Variants in MAPK7 observed in about 807,000 individuals in gnomAD.
MAPK7 encodes BMK-1.
A neutral mutation model predicts 56.9 loss-of-function variants in MAPK7; 30 were observed. The ratio of observed to expected loss-of-function variants is 0.53; its 90% CI spans 0.39 to 0.72. The LOEUF is 0.72. Among genes scored for constraint, MAPK7 ranks in the 30% least tolerant of loss-of-function variants. The pLI is 0.00. For synonymous variants in MAPK7, 516 were observed against 449.3 expected (o/e 1.15, Z -1.88); for missense variants, 952 against 1,110.8 (o/e 0.86, Z 2.03).
At position 19,378,849 on chromosome 17, in the gene MAPK7, T is replaced by G; in HGVS notation, c.-5-47T>G. 1.4e-6 allele frequency: 2 copies of G among 1,467,236 alleles called. No individual in the cohort carries two copies. Among genetic ancestry groups the G allele is most frequent in the Non-Finnish European group, 1.9e-6 (2 of 1,078,208 alleles). 90.9% of individuals were successfully genotyped at this position (1,467,236 alleles called of 1,614,324 possible). On this transcript the variant is annotated intron_variant, in intron 1 of 6. Transcript: ENST00000395604. This position sits in a 1 kb window ranked among gnomAD's most constrained non-coding sequence, Gnocchi z 5.4. ...GCTCCCCAGCCCGCAGAGGGGACACTGAGGCCCACGGTAGGTGGTCCTCTC... is the reference window on the plus strand; with the variant it reads ...GCTCCCCAGCCCGCAGAGGGGACACGGAGGCCCACGGTAGGTGGTCCTCTC...
intron 5 of MAPK7, 119 bp downstream of exon 5, chr17:19,382,585 G>C: frequency 6.7e-7 from 1 of 1,495,656 alleles, no homozygotes; most frequent in Non-Finnish European, 8.9e-7. Context: ...CTCTGAACGT[G>C]TCCTCTTGCT....
rs754544948 is a variant in MAPK7, at chr17:19,381,010, T to C, written c.801T>C (p.Tyr267=). 1.2e-6 allele frequency: 2 copies of C among 1,614,026 alleles called. No homozygotes were observed. The highest frequency in any genetic ancestry group is 1.3e-5 in the African/African-American group (1 of 74,920). Reference sequence around the variant, plus strand: ...GCCAGCTCTTCCCAGGCAAAAACTATGTACACCAGCTACAGCTCATCATGA... The same window carrying C: ...GCCAGCTCTTCCCAGGCAAAAACTACGTACACCAGCTACAGCTCATCATGA... ...ARRQLFPGKN[Y]VHQLQLIMMV... Residue 267 remains tyrosine (Y), a synonymous_variant, in exon 4 of 7, where the codon TAT becomes TAC. Transcript: ENST00000395604. This position sits in a 1 kb window ranked among gnomAD's most constrained non-coding sequence, Gnocchi z 4.6.
chr17:19,381,871 G>A lies in MAPK7; in HGVS notation c.1568G>A (p.Arg523Lys), dbSNP rs753067846. ...CGGGAGCGGGAGGAGAAGCGGCGGA[G>A]GCGGCAAGAACGAGCCAAGGAGCGG... The part of the protein sequence containing the change: ...RQREREEKRR[R>K]RQERAKEREK... Residue 523 changes from arginine to lysine, a missense_variant, in exon 5 of 7, where the codon AGG becomes AAG. Physicochemically the swap from Arg to Lys is conservative, Grantham distance 26. Coordinates refer to ENST00000395604, the MANE Select transcript of MAPK7 (RefSeq NM_002749.4). This position sits in a 1 kb window ranked among gnomAD's most constrained non-coding sequence, Gnocchi z 4.6. 1 of 1,579,848 alleles carries A rather than the reference G, an allele frequency of 6.3e-7. No individual in the cohort carries two copies. The highest frequency in any genetic ancestry group is 1.1e-5 in the South Asian group (1 of 87,290).
In MAPK7 at chr17:19,382,810, C is replaced by T. The variant is rs149310341; in HGVS notation, c.2164-3C>T. On this transcript the variant is annotated splice_region_variant and splice_polypyrimidine_tract_variant and intron_variant, in intron 5 of 6. Transcript: ENST00000395604. Reference sequence around the variant, plus strand: ...CTGCATTGTAACCTGTCATTCCCTGCAGGTGGAGGACCCCCTGCCCCCTGT... The same window carrying T: ...CTGCATTGTAACCTGTCATTCCCTGTAGGTGGAGGACCCCCTGCCCCCTGT... The T allele has an allele frequency of 8.8e-4, 1,427 of 1,613,790 alleles. 2 individuals are homozygous for T. Among genetic ancestry groups the T allele is most frequent in the Non-Finnish European group, 1.1e-3 (1,257 of 1,179,780 alleles).
Position 19,379,047 on chromosome 17 carries a change from T to C in MAPK7, c.147T>C (p.Phe49=). Residue 49 remains phenylalanine, a synonymous_variant, in exon 2 of 7, where the codon TTT becomes TTC. Coordinates refer to ENST00000395604, the MANE Select transcript of MAPK7 (RefSeq NM_002749.4). The part of the protein sequence containing the change: ...LLKARSFDVT[F]DVGDEYEIIE... Reference sequence around the variant, plus strand: ...AAGCCCGCTCCTTCGATGTGACCTTTGACGTGGGCGACGAGTACGAGATCA... The same window carrying C: ...AAGCCCGCTCCTTCGATGTGACCTTCGACGTGGGCGACGAGTACGAGATCA... 1.2e-6 allele frequency: 2 copies of C among 1,614,086 alleles called. No individual in the cohort carries two copies. The highest frequency in any genetic ancestry group is 1.7e-6 in the Non-Finnish European group (2 of 1,180,000).
Position 19,381,180 on chromosome 17 carries a change from T to C in MAPK7, c.971T>C (p.Leu324Pro). The change falls in exon 4 of 7, where the codon CTG (leucine) becomes CCG (proline). Residue 324 changes from leucine (L) to proline (P), a missense_variant. This residue lies in a region of MAPK7 where 429 missense variants were observed against 533.0 expected (regional missense o/e 0.80). Coordinates refer to ENST00000395604, the MANE Select transcript of MAPK7 (RefSeq NM_002749.4). This position sits in a 1 kb window ranked among gnomAD's most constrained non-coding sequence, Gnocchi z 4.6. ...PGADRQALSL[L>P]GRMLRFEPSA... is the part of the protein sequence containing the mutation. ...GCCGACCGCCAGGCCCTATCACTGC[T>C]GGGTCGCATGCTGCGTTTTGAGCCC... is the stretch of plus-strand genomic sequence containing the variant. The C allele has an allele frequency of 6.2e-7, 1 of 1,614,154 alleles. No individual in the cohort carries two copies. Among genetic ancestry groups the C allele is most frequent in the South Asian group, 1.1e-5 (1 of 91,090 alleles).
chr17:19,382,355 G>A lies in MAPK7; in HGVS notation c.2052G>A (p.Leu684=). Residue 684 remains leucine (L), a synonymous_variant, in exon 5 of 7, where the codon TTG becomes TTA. Coordinates refer to ENST00000395604, the MANE Select transcript of MAPK7 (RefSeq NM_002749.4). ...CTGGCTCCAGCACCCCAGGAGTTTT[G>A]CCTTACTTCCCACCTGGCCTGCCGC... The part of the protein sequence containing the change: ...GLPGSSTPGV[L]PYFPPGLPPP... 6.2e-7 allele frequency: 1 copy of A among 1,613,480 alleles called. No homozygotes were observed. The highest frequency in any genetic ancestry group is 8.5e-7 in the Non-Finnish European group (1 of 1,180,016).
chr17:19,381,691 C>T lies in MAPK7; in HGVS notation c.1477+5C>T. ...CTTTGAGGAGCCGGCTCAGAGGTGC[C>T]TTGTGGGCAGGTCGGGTGGGCAGAG... is the stretch of plus-strand genomic sequence containing the variant. On this transcript the variant is annotated splice_donor_5th_base_variant and intron_variant, in intron 4 of 6. Transcript: ENST00000395604. The surrounding 1 kb of genome is among the most constrained non-coding windows in gnomAD (Gnocchi z 4.6). 4 of 1,574,252 alleles carry T rather than the reference C, an allele frequency of 2.5e-6. No homozygotes were observed. Among genetic ancestry groups the T allele is most frequent in the Non-Finnish European group, 3.4e-6 (4 of 1,160,650 alleles).
At position 19,381,628 on chromosome 17, in the gene MAPK7, CA is replaced by C; in HGVS notation, c.1421del (p.Asn474IlefsTer14). 6.2e-7 allele frequency: 1 copy of C among 1,613,136 alleles called. No homozygotes were observed. Among genetic ancestry groups the C allele is most frequent in the South Asian group, 1.1e-5 (1 of 90,934 alleles). Reference protein sequence around the residue: ...PPKKDGAISDNTKAALKAALL... With the variant: ...PPKKDGAISDXTKAALKAALL... ...CAAAGAAAGATGGTGCCATCTCAGACAATACTAAGGCTGCCCTTAAAGCTGC... is the reference window on the plus strand; with the variant it reads ...CAAAGAAAGATGGTGCCATCTCAGACATACTAAGGCTGCCCTTAAAGCTGC... On this transcript the variant is annotated frameshift_variant, in exon 4 of 7. Coordinates refer to ENST00000395604, the MANE Select transcript of MAPK7 (RefSeq NM_002749.4). LOFTEE classifies it high-confidence loss of function. This position sits in a 1 kb window ranked among gnomAD's most constrained non-coding sequence, Gnocchi z 4.6.
intron 3 of MAPK7, 188 bp from the exon 4 acceptor site, chr17:19,380,420 A>C (rs1912548545): frequency 7.2e-7 from 1 of 1,389,358 alleles, no homozygotes. Context: ...TGATTTAACC[A>C]AGTTCATGGA....
Position 19,378,992 on chromosome 17 carries a change from CTG to C in MAPK7, c.94_95del (p.Val32SerfsTer9). 6.2e-7 allele frequency: 1 copy of C among 1,612,170 alleles called. No homozygotes were observed. ...GCCGAACCCGCCCACACCGCTGCCT[CTG>C]TAGCGGCCAAGAACCTGGCCCTGCT... On this transcript the variant is annotated frameshift_variant, in exon 2 of 7. Coordinates refer to ENST00000395604, the MANE Select transcript of MAPK7 (RefSeq NM_002749.4). LOFTEE classifies it high-confidence loss of function. This position sits in a 1 kb window ranked among gnomAD's most constrained non-coding sequence, Gnocchi z 5.4.
chr17:19,381,364 T>G lies in MAPK7; in HGVS notation c.1155T>G (p.Ile385Met). The change falls in exon 4 of 7, where the codon ATT (isoleucine) becomes ATG (methionine). Residue 385 changes from isoleucine to methionine, a missense_variant. Transcript: ENST00000395604. The surrounding 1 kb of genome is among the most constrained non-coding windows in gnomAD (Gnocchi z 4.6). Reference protein sequence around the residue: ...ERIKEAIVAEIEDFHARREGI... With the variant: ...ERIKEAIVAEMEDFHARREGI... Reference sequence around the variant, plus strand: ...TTAAGGAGGCCATTGTGGCTGAAATTGAGGACTTCCATGCAAGGCGTGAGG... The same window carrying G: ...TTAAGGAGGCCATTGTGGCTGAAATGGAGGACTTCCATGCAAGGCGTGAGG... 1.2e-6 allele frequency: 2 copies of G among 1,614,138 alleles called. No homozygotes were observed. The highest frequency in any genetic ancestry group is 1.7e-6 in the Non-Finnish European group (2 of 1,180,038).
In MAPK7 at chr17:19,378,896, A is replaced by T. The variant is rs1233137940; in HGVS notation, c.-5A>T. On this transcript the variant is annotated splice_region_variant and 5_prime_UTR_variant, in exon 2 of 7. Transcript: ENST00000395604. The surrounding 1 kb of genome is among the most constrained non-coding windows in gnomAD (Gnocchi z 5.4). The stretch of plus-strand genomic sequence containing the variant: ...TCTCCTCACCCGAGTCTCCACACAG[A>T]CACCATGGCCGAGCCTCTGAAGGAG... 6.4e-7 allele frequency: 1 copy of T among 1,559,486 alleles called. No individual in the cohort carries two copies. The highest frequency in any genetic ancestry group is 8.7e-7 in the Non-Finnish European group (1 of 1,151,154).
Position 19,378,831 on chromosome 17 carries a change from A to C in MAPK7, c.-5-65A>C. 1 of 1,404,552 alleles carries C rather than the reference A, an allele frequency of 7.1e-7. No homozygotes were observed. Among genetic ancestry groups the C allele is most frequent in the Admixed American group, 2.2e-5 (1 of 44,776 alleles). 87.0% of individuals were successfully genotyped at this position (1,404,552 alleles called of 1,614,324 possible). On this transcript the variant is annotated intron_variant, in intron 1 of 6. Coordinates refer to ENST00000395604, the MANE Select transcript of MAPK7 (RefSeq NM_002749.4). The surrounding 1 kb of genome is among the most constrained non-coding windows in gnomAD (Gnocchi z 5.4). ...GGGAAGTTCCCTGGTCCTGCTCCCC[A>C]GCCCGCAGAGGGGACACTGAGGCCC...
rs748891527 is a variant in MAPK7, at chr17:19,378,882, G to A, written c.-5-14G>A. The A allele has an allele frequency of 1.9e-6, 3 of 1,547,472 alleles. No individual in the cohort carries two copies. The Admixed American group carries it at 5.9e-5, about 30-fold the overall frequency. ...ACGGTAGGTGGTCCTCTCCTCACCC[G>A]AGTCTCCACACAGACACCATGGCCG... On this transcript the variant is annotated splice_polypyrimidine_tract_variant and intron_variant, in intron 1 of 6. Coordinates refer to ENST00000395604, the MANE Select transcript of MAPK7 (RefSeq NM_002749.4). The surrounding 1 kb of genome is among the most constrained non-coding windows in gnomAD (Gnocchi z 5.4).
chr17:19,378,334 G>A (rs1598108931), upstream of MAPK7: 2 of 987,960 alleles, frequency 2.0e-6, no homozygotes, highest in South Asian at 4.5e-5. The surrounding 1 kb of genome is among the most constrained non-coding windows in gnomAD (Gnocchi z 5.4). Context: ...GGCTCCCGCC[G>A]GCGAGCTGGA....
chr17:19,378,179 G>C (rs1467440901), upstream of MAPK7: 1 of 982,352 alleles, frequency 1.0e-6, no homozygotes, highest in African/African-American at 1.7e-5. The surrounding 1 kb of genome is among the most constrained non-coding windows in gnomAD (Gnocchi z 5.4). Context: ...GGCCGGATGA[G>C]GTTGAGAGCT....
At chr17:19,379,649 G>T (rs772224294) in intron 2 of MAPK7, 133 bp from the exon 3 acceptor site, 23 of 756,766 alleles carry the variant, frequency 3.0e-5, no homozygotes, top group African/African-American at 5.2e-5. Context: ...ACAGGGCTTG[G>T]CACATAGTAG....
At position 19,381,603 on chromosome 17, in the gene MAPK7, C is replaced by G; in HGVS notation, c.1394C>G (p.Pro465Arg). ...PPPPVSEPAP[P>R]KKDGAISDNT... ...CCACCAGTCAGTGAGCCTGCCCCAC[C>G]AAAGAAAGATGGTGCCATCTCAGAC... The change falls in exon 4 of 7, where the codon CCA becomes CGA. Residue 465 changes from proline to arginine, a missense_variant. By Grantham distance (103) the Pro-to-Arg change is moderately radical. Transcript: ENST00000395604. This position sits in a 1 kb window ranked among gnomAD's most constrained non-coding sequence, Gnocchi z 4.6. 6.2e-7 allele frequency: 1 copy of G among 1,613,970 alleles called. No individual in the cohort carries two copies. The highest frequency in any genetic ancestry group is 1.1e-5 in the South Asian group (1 of 91,078).
Sources: gnomAD v4.1 joint callset for allele counts on GRCh38, gnomAD v4.1.1 for gene constraint, gnomAD v4.1.1 regional missense constraint, Gnocchi (gnomAD v3.1) non-coding constraint, MANE v1.5 for transcripts, NCBI Gene and HGNC (gene_info 2026-07-23, HGNC 2026-07-21) for gene names.